KCND3: variants seen among roughly 807,000 people sequenced by gnomAD.
KCND3 encodes the protein potassium voltage-gated channel subfamily D member 3, also known as A-type voltage-gated potassium channel KCND3.
KCND3 carries 9 observed loss-of-function variants against 51.1 expected under a neutral mutation model. The ratio of observed to expected loss-of-function variants is 0.18; its 90% CI spans 0.11 to 0.31. KCND3 has a LOEUF of 0.31. Ranked by LOEUF, KCND3 falls within the 10% of genes least tolerant of loss-of-function variation. KCND3 has a pLI of 1.00. For synonymous variants in KCND3, 349 were observed against 368.0 expected (o/e 0.95, Z 0.59); for missense variants, 526 against 903.8 (o/e 0.58, Z 5.36).
chr1:111,870,403 C>T (rs1426345785), intron 2 of KCND3, among the ~76,000 whole-genome samples: 1 of 152,188 alleles, frequency 6.6e-6, no homozygotes, highest in African/African-American at 2.4e-5. Context: ...GTCACTGTGT[C>T]ACAGACGGAG....
At chr1:111,854,206 G>C (rs1667952530) in intron 2 of KCND3, among the ~76,000 whole-genome samples, 2 of 152,212 alleles carry the variant, frequency 1.3e-5, no homozygotes, top group Non-Finnish European at 2.9e-5. Context: ...ACTCTAGTTG[G>C]AAACCTTCTT....
At chr1:111,896,962 CTAT>C (rs1439933505) in intron 2 of KCND3, among the ~76,000 whole-genome samples, 3 of 152,202 alleles carry the variant, frequency 2.0e-5, no homozygotes, top group Non-Finnish European at 2.9e-5. Flanking sequence ...GGCTTAGTCA[CTAT>C]TATTATGACC....
In KCND3 at chr1:111,981,510, G is replaced by A. The variant is rs994007330; in HGVS notation, c.1106+111C>T. 39 of 1,503,048 alleles carry A rather than the reference G, an allele frequency of 2.6e-5. 1 individual carries two copies. The highest frequency in any genetic ancestry group is 3.6e-5 in the Non-Finnish European group (39 of 1,083,464). 93.1% of individuals were successfully genotyped at this position (1,503,048 alleles called of 1,614,324 possible). A position where few individuals can be genotyped will look rare whatever the true frequency, so the allele number is the denominator to read the frequency against. ...GCAACTTCCCCTGCCCCCAACACTT[G>A]GGTAAGGGACTCCCTCCTCCTCTAC... is the stretch of plus-strand genomic sequence containing the variant. On this transcript the variant is annotated intron_variant, in intron 2 of 7. Coordinates refer to ENST00000302127, the MANE Select transcript of KCND3 (RefSeq NM_001378969.1). The surrounding 1 kb of genome is among the most constrained non-coding windows in gnomAD (Gnocchi z 6.2).
In KCND3 at chr1:111,775,508, A is replaced by G. The variant is rs1664068393; in HGVS notation, c.*569T>C. 6.3e-6 allele frequency: 1 copy of G among 158,216 alleles called. No homozygotes were observed. The highest frequency in any genetic ancestry group is 1.4e-5 in the Non-Finnish European group (1 of 71,124). The allele number at this position is 158,216 out of a possible 1,614,324, so 9.8% of individuals were successfully genotyped here. ...AGGAGAAAAAAAAATCCCTCACAAA[A>G]TGCATTGTTTTGGTTCAAAGGTGTT... On this transcript the variant is annotated 3_prime_UTR_variant, in exon 8 of 8. Coordinates refer to ENST00000302127, the MANE Select transcript of KCND3 (RefSeq NM_001378969.1).
intron 2 of KCND3, among the ~76,000 whole-genome samples, chr1:111,956,114 G>A (rs1483563859): frequency 6.6e-6 from 1 of 152,126 alleles, no homozygotes; most frequent in African/African-American, 2.4e-5. Context: ...AACAAGCATA[G>A]GACAGATTGC....
chr1:111,942,008 C>G (rs535350553), intron 2 of KCND3, among the ~76,000 whole-genome samples: 2 of 152,252 alleles, frequency 1.3e-5, no homozygotes, highest in Admixed American at 1.3e-4. Context: ...CTCCTGCAAT[C>G]TATCAGCTTA....
At chr1:111,793,490 T>C (rs1194119904) in intron 2 of KCND3, among the ~76,000 whole-genome samples, 1 of 152,220 alleles carries the variant, frequency 6.6e-6, no homozygotes, top group Non-Finnish European at 1.5e-5. Flanking sequence ...AGCATATTCT[T>C]AAAATGCAAA....
intron 2 of KCND3, among the ~76,000 whole-genome samples, chr1:111,878,119 C>T (rs1405222427): frequency 6.6e-6 from 1 of 152,214 alleles, no homozygotes; most frequent in Non-Finnish European, 1.5e-5. Flanking sequence ...AAGCCCCCAT[C>T]AGAGCCCTAG....
intron 2 of KCND3, among the ~76,000 whole-genome samples, chr1:111,800,564 A>G (rs1665261083): frequency 6.6e-6 from 1 of 151,832 alleles, no homozygotes; most frequent in Non-Finnish European, 1.5e-5. Flanking sequence ...AAAAAAAAAA[A>G]AAAAAAGAAA....
At chr1:111,839,266 G>A (rs1011782398) in intron 2 of KCND3, among the ~76,000 whole-genome samples, 11 of 152,178 alleles carry the variant, frequency 7.2e-5, no homozygotes, top group African/African-American at 2.7e-4. Context: ...AAGTATTTGG[G>A]TCTGGAGTCT....
intron 2 of KCND3, among the ~76,000 whole-genome samples, chr1:111,973,373 A>C (rs1303834021): frequency 6.6e-6 from 1 of 152,210 alleles, no homozygotes; most frequent in Non-Finnish European, 1.5e-5. Flanking sequence ...AAGGGTAGAG[A>C]TTTCCCAGTC....
At chr1:111,834,840 G>T (rs1438990532) in intron 2 of KCND3, among the ~76,000 whole-genome samples, 1 of 152,212 alleles carries the variant, frequency 6.6e-6, no homozygotes, top group Non-Finnish European at 1.5e-5. Context: ...TTCCCAGTAG[G>T]ACATGGGCCA....
At chr1:111,841,705 A>T (rs1428580315) in intron 2 of KCND3, among the ~76,000 whole-genome samples, 1 of 152,244 alleles carries the variant, frequency 6.6e-6, no homozygotes. Context: ...AGGCCACCAC[A>T]TAAGGGCACA....
chr1:111,887,375 C>T (rs1160054022), intron 2 of KCND3, among the ~76,000 whole-genome samples: 1 of 151,914 alleles, frequency 6.6e-6, no homozygotes, highest in Admixed American at 6.6e-5. Flanking sequence ...AGGGGGAGAA[C>T]CACAAAAGTA....
At chr1:111,957,731 G>A (rs1673411102) in intron 2 of KCND3, among the ~76,000 whole-genome samples, 1 of 152,132 alleles carries the variant, frequency 6.6e-6, no homozygotes, top group Non-Finnish European at 1.5e-5. Context: ...ATGGCTGTGG[G>A]CCAGATCTGT....
intron 2 of KCND3, among the ~76,000 whole-genome samples, chr1:111,803,504 A>C (rs1665417378): frequency 6.6e-6 from 1 of 152,102 alleles, no homozygotes; most frequent in Admixed American, 6.5e-5. Context: ...TTCCTCACAG[A>C]CACCAAGCCC....
intron 2 of KCND3, among the ~76,000 whole-genome samples, chr1:111,940,323 T>C (rs1237151348): frequency 2.6e-5 from 4 of 152,126 alleles, no homozygotes; most frequent in Non-Finnish European, 5.9e-5. Flanking sequence ...CTGAATGGTA[T>C]TGCCTAGGTT....
At chr1:111,808,640 C>A (rs17028623) in intron 2 of KCND3, among the ~76,000 whole-genome samples, 2 of 152,158 alleles carry the variant, frequency 1.3e-5, no homozygotes. Context: ...GGAGCATGCA[C>A]AAGCCCTCTC....
At chr1:111,783,985 G>T (rs114610049) in intron 3 of KCND3, among the ~76,000 whole-genome samples, 19 of 152,210 alleles carry the variant, frequency 1.2e-4, no homozygotes, top group Non-Finnish European at 2.5e-4. Flanking sequence ...GGTTGCCAGG[G>T]GTTAGGGACA....
Sources: gnomAD v4.1 joint callset for allele counts (sites outside exome capture counted in the v4.1 genomes callset) on GRCh38, gnomAD v4.1.1 for gene constraint, Gnocchi (gnomAD v3.1) non-coding constraint, MANE v1.5 for transcripts, NCBI Gene and HGNC (gene_info 2026-07-23, HGNC 2026-07-21) for gene names.